GPR176: variants seen among roughly 807,000 people sequenced by gnomAD.
GPR176 encodes G-protein coupled receptor 176.
Under a neutral mutation model 35.4 loss-of-function variants are expected in GPR176, and 26 were observed. The observed-to-expected ratio is 0.74, with a 90% CI of 0.54 to 1.02. The LOEUF is 1.02. GPR176 is among the 50% of genes least tolerant of loss of function. The pLI is 0.00. For missense variants in GPR176, 597 were observed against 665.3 expected, an observed-to-expected ratio of 0.90 and a Z score of 1.13; for synonymous variants, 278 against 271.3, an observed-to-expected ratio of 1.02 and a Z score of -0.24.
intron 1 of GPR176, among the ~76,000 whole-genome samples, chr15:39,894,030 C>G: frequency 5.9e-5 from 1 of 17,052 alleles, no homozygotes; most frequent in Non-Finnish European, 1.5e-4. Context: ...CCAGTAGGGG[C>G]GGCCAGGCAG....
chr15:39,912,983 T>C (rs540487198), intron 1 of GPR176, among the ~76,000 whole-genome samples: 1 of 152,190 alleles, frequency 6.6e-6, no homozygotes, highest in Non-Finnish European at 1.5e-5. Flanking sequence ...TGAAAACACA[T>C]GTCCACATAA....
chr15:39,912,530 A>T lies in GPR176; in HGVS notation c.172+7325T>A, dbSNP rs1484070860. Among the ~76,000 whole-genome samples the T allele has an allele frequency of 8.6e-5, 13 of 151,576 alleles. No homozygotes were observed. The South Asian group carries it at 1.0e-3, about 12-fold the overall frequency. ...GCTACTTGGAGGCCGAGGTAGAAGGATCACCTGAGCCTGAGAGGTTGAGGC... is the reference window on the plus strand; with the variant it reads ...GCTACTTGGAGGCCGAGGTAGAAGGTTCACCTGAGCCTGAGAGGTTGAGGC... On this transcript the variant is annotated intron_variant, in intron 1 of 2. Coordinates refer to ENST00000561100, the MANE Select transcript of GPR176 (RefSeq NM_007223.3).
At chr15:39,844,638 G>A (rs185947840) in intron 1 of GPR176, among the ~76,000 whole-genome samples, 11 of 152,040 alleles carry the variant, frequency 7.2e-5, no homozygotes, top group Admixed American at 7.2e-4. Context: ...GAACCTATAG[G>A]CTACATAGAT....
intron 1 of GPR176, among the ~76,000 whole-genome samples, chr15:39,917,460 C>G (rs1363515162): frequency 2.0e-5 from 3 of 150,704 alleles, no homozygotes; most frequent in African/African-American, 7.3e-5. Flanking sequence ...CTCAGCCTCC[C>G]GAGTGGCTGG....
intron 1 of GPR176, among the ~76,000 whole-genome samples, chr15:39,857,559 A>G (rs1405395610): frequency 6.6e-6 from 1 of 152,022 alleles, no homozygotes; most frequent in East Asian, 1.9e-4. Context: ...AGTCCCAGCT[A>G]CTCGGAAAGA....
At chr15:39,864,880 C>T (rs1454411159) in intron 1 of GPR176, among the ~76,000 whole-genome samples, 2 of 148,294 alleles carry the variant, frequency 1.3e-5, no homozygotes, top group Non-Finnish European at 3.0e-5. Context: ...GACCAAAAAG[C>T]ATGAATAGAC....
chr15:39,894,851 T>C (rs2033049126), intron 1 of GPR176, among the ~76,000 whole-genome samples: 1 of 152,240 alleles, frequency 6.6e-6, no homozygotes, highest in Non-Finnish European at 1.5e-5. Flanking sequence ...CTTTCTGCAA[T>C]CTCGGCACTT....
chr15:39,844,241 T>C (rs986445201), intron 1 of GPR176, among the ~76,000 whole-genome samples: 2 of 152,106 alleles, frequency 1.3e-5, no homozygotes, highest in Non-Finnish European at 2.9e-5. Context: ...TGTAAAAATA[T>C]AGTTTCCTGG....
intron 1 of GPR176, among the ~76,000 whole-genome samples, chr15:39,832,672 C>CAT (rs1901168950): frequency 6.6e-6 from 1 of 151,762 alleles, no homozygotes; most frequent in African/African-American, 2.4e-5. Context: ...CACACACACA[C>CAT]ACACACACAC....
At chr15:39,842,426 T>A (rs1389900607) in intron 1 of GPR176, among the ~76,000 whole-genome samples, 1 of 152,012 alleles carries the variant, frequency 6.6e-6, no homozygotes, top group African/African-American at 2.4e-5. Context: ...AACAGGCCCC[T>A]CCTCCAACAC....
chr15:39,837,658 C>T (rs275758), intron 1 of GPR176, among the ~76,000 whole-genome samples: 12,386 of 152,022 alleles, frequency 0.081, 1,610 homozygotes, highest in African/African-American at 0.28. Context: ...ACATTTATTG[C>T]GCAATAATTA....
chr15:39,919,924 C>T lies in GPR176; in HGVS notation c.103G>A (p.Gly35Ser), dbSNP rs770370276. 8 of 1,522,580 alleles carry T rather than the reference C, an allele frequency of 5.3e-6. No homozygotes were observed. Among genetic ancestry groups the T allele is most frequent in the South Asian group, 2.5e-5 (2 of 79,978 alleles). 94.3% of individuals were successfully genotyped at this position (1,522,580 alleles called of 1,614,324 possible). A position where few individuals can be genotyped will look rare whatever the true frequency, so the allele number is the denominator to read the frequency against. The part of the protein sequence containing the change: ...GVNRSALGEF[G>S]EAQLYRQFTT... ...AACTGGCGGTACAGCTGCGCCTCGCCGAACTCCCCGAGCGCGCTGCGGTTC... is the reference window on the plus strand; with the variant it reads ...AACTGGCGGTACAGCTGCGCCTCGCTGAACTCCCCGAGCGCGCTGCGGTTC... The change falls in exon 1 of 3, where the codon GGC becomes AGC. Residue 35 changes from glycine to serine, a missense_variant. This residue lies in a region of GPR176 where 126 missense variants were observed against 112.4 expected (regional missense o/e 1.12). Coordinates refer to ENST00000561100, the MANE Select transcript of GPR176 (RefSeq NM_007223.3).
chr15:39,815,413 GA>G (rs1899835252), intron 1 of GPR176: 1 of 152,268 alleles, frequency 6.6e-6, no homozygotes, highest in Admixed American at 6.5e-5. Flanking sequence ...CCGGGACCAT[GA>G]AGTTTGGGCA....
intron 1 of GPR176, among the ~76,000 whole-genome samples, chr15:39,895,164 G>A (rs1171676631): frequency 6.6e-6 from 1 of 152,060 alleles, no homozygotes; most frequent in Non-Finnish European, 1.5e-5. Flanking sequence ...AGCCGAGATG[G>A]CAGCAGTACA....
intron 1 of GPR176, among the ~76,000 whole-genome samples, chr15:39,887,151 T>A (rs2032703134): frequency 6.6e-6 from 1 of 152,202 alleles, no homozygotes; most frequent in African/African-American, 2.4e-5. Flanking sequence ...GAAATGAATA[T>A]TTTTAACAAG....
Position 39,807,245 on chromosome 15 carries a change from C to A in GPR176, c.186G>T (p.Val62=). The stretch of plus-strand genomic sequence containing the variant: ...CGGTTGTGCGGCAAGTTGACCATAA[C>A]ACCATGAAGTTTCCTGGTCAGATAT... ...FIGSLLGNFM[V]LWSTCRTTVF... Residue 62 remains valine (V), a synonymous_variant, in exon 2 of 3, where the codon GTG becomes GTT. Coordinates refer to ENST00000561100, the MANE Select transcript of GPR176 (RefSeq NM_007223.3). 1 of 1,562,996 alleles carries A rather than the reference C, an allele frequency of 6.4e-7. No homozygotes were observed. The highest frequency in any genetic ancestry group is 1.4e-5 in the African/African-American group (1 of 73,288).
At chr15:39,901,747 C>T (rs145625331) in intron 1 of GPR176, among the ~76,000 whole-genome samples, 129 of 152,038 alleles carry the variant, frequency 8.5e-4, no homozygotes, top group African/African-American at 3.0e-3. Flanking sequence ...TGTGAAGCAC[C>T]GGCATCAAGG....
intron 1 of GPR176, among the ~76,000 whole-genome samples, chr15:39,900,622 T>C (rs1312467454): frequency 6.6e-6 from 1 of 152,204 alleles, no homozygotes; most frequent in Admixed American, 6.5e-5. Context: ...AGCCCTCAAT[T>C]GGTCCTTCTG....
rs141042080 is a variant in GPR176, at chr15:39,817,191, C to T, written c.173-9933G>A. 3.0e-3 allele frequency among the ~76,000 whole-genome samples: 448 copies of T among 150,862 alleles called. 4 individuals are homozygous for T. Among genetic ancestry groups the T allele is most frequent in the Middle Eastern group, 0.017 (5 of 292 alleles). ...GAGCAACTAAAAATTTTAATCAAGA[C>T]GGAAAAAAACTATTCCATTTTTTGC... On this transcript the variant is annotated intron_variant, in intron 1 of 2. Coordinates refer to ENST00000561100, the MANE Select transcript of GPR176 (RefSeq NM_007223.3).
Sources: allele counts gnomAD v4.1 joint callset (sites outside exome capture counted in the v4.1 genomes callset), GRCh38; gene constraint gnomAD v4.1.1; regional missense constraint gnomAD v4.1.1; transcripts MANE v1.5; gene names NCBI Gene and HGNC (gene_info 2026-07-23, HGNC 2026-07-21).